Variants in SYNPR observed in about 807,000 individuals in gnomAD.
SYNPR encodes the protein synaptoporin.
A neutral mutation model predicts 32.9 loss-of-function variants in SYNPR; 23 were observed. The ratio of observed to expected loss-of-function variants is 0.70; its 90% CI spans 0.50 to 0.99. The LOEUF (loss-of-function observed/expected upper bound fraction) is 0.99, where lower values mean the gene tolerates loss of function less well. SYNPR is among the 50% of genes least tolerant of loss of function. The pLI, the probability that SYNPR is intolerant of heterozygous loss-of-function variation, is 0.00. For missense variants in SYNPR, 318 were observed against 349.3 expected, an observed-to-expected ratio of 0.91 and a Z score of 0.71; for synonymous variants, 146 against 135.9, an observed-to-expected ratio of 1.07 and a Z score of -0.52.
At chr3:63,548,558 CA>C (rs758504760) in intron 3 of SYNPR, among the ~76,000 whole-genome samples, 20 of 152,002 alleles carry the variant, frequency 1.3e-4, no homozygotes, top group Non-Finnish European at 2.6e-4. Context: ...TAGCTAAAGA[CA>C]ACGCAATCTA....
At chr3:63,595,755 A>AGTTT (rs1242744739) in intron 4 of SYNPR, among the ~76,000 whole-genome samples, 17 of 32,296 alleles carry the variant, frequency 5.3e-4, no homozygotes, top group African/African-American at 3.5e-3. Flanking sequence ...ATATATATAT[A>AGTTT]TATATATATA....
At chr3:63,393,277 T>A (rs146327478) in intron 2 of SYNPR, among the ~76,000 whole-genome samples, 1 of 152,140 alleles carries the variant, frequency 6.6e-6, no homozygotes, top group African/African-American at 2.4e-5. Context: ...GTCTCATACA[T>A]GTCTCATTGT....
At chr3:63,376,100 C>A (rs1376469387) in intron 2 of SYNPR, among the ~76,000 whole-genome samples, 1 of 152,064 alleles carries the variant, frequency 6.6e-6, no homozygotes, top group Non-Finnish European at 1.5e-5. Context: ...ACTTTTTGGG[C>A]CCATCTGAAA....
At chr3:63,523,147 T>G (rs2106775996) in intron 3 of SYNPR, among the ~76,000 whole-genome samples, 1 of 152,154 alleles carries the variant, frequency 6.6e-6, no homozygotes, top group South Asian at 2.1e-4. Flanking sequence ...CACGTGACGG[T>G]GGGGCGGTGC....
chr3:63,525,404 T>C (rs929453458), intron 3 of SYNPR, among the ~76,000 whole-genome samples: 2 of 152,144 alleles, frequency 1.3e-5, no homozygotes, highest in Non-Finnish European at 2.9e-5. Context: ...TATTTCAGTA[T>C]TTTTGCAATG....
Position 63,536,528 on chromosome 3 carries a change from C to T in SYNPR, c.210-20015C>T, listed in dbSNP as rs530020173. Among the ~76,000 whole-genome samples, 26 of 152,202 alleles carry T rather than the reference C, an allele frequency of 1.7e-4. No individual in the cohort carries two copies. The South Asian group carries it at 5.2e-3, about 30-fold the overall frequency. ...CTAGTGGGATTGTAAAATTGTAAAACCACTTTGGAAAACAGTTTGGCAGTT... is the reference window on the plus strand; with the variant it reads ...CTAGTGGGATTGTAAAATTGTAAAATCACTTTGGAAAACAGTTTGGCAGTT... On this transcript the variant is annotated intron_variant, in intron 3 of 5. Transcript: ENST00000478300.
At chr3:63,540,921 C>CACACACT (rs1702287943) in intron 3 of SYNPR, among the ~76,000 whole-genome samples, 4 of 102,440 alleles carry the variant, frequency 3.9e-5, no homozygotes, top group South Asian at 5.9e-4. Flanking sequence ...CACACACAAT[C>CACACACT]CCCCCCCCAA....
At chr3:63,468,491 G>GCGCACACACACACACACACACA (rs1553639023) in intron 2 of SYNPR, among the ~76,000 whole-genome samples, 2 of 148,564 alleles carry the variant, frequency 1.3e-5, no homozygotes, top group African/African-American at 5.0e-5. Flanking sequence ...TACCTGCAAA[G>GCGCACACACACACACACACACA]CACACACACA....
chr3:63,436,763 C>A (rs1446904934), intron 2 of SYNPR, among the ~76,000 whole-genome samples: 1 of 152,140 alleles, frequency 6.6e-6, no homozygotes, highest in East Asian at 1.9e-4. Context: ...GTAGTTTCAA[C>A]AAATCTTTAT....
chr3:63,414,841 C>G (rs1351912499), intron 2 of SYNPR, among the ~76,000 whole-genome samples: 1 of 152,154 alleles, frequency 6.6e-6, no homozygotes, highest in Non-Finnish European at 1.5e-5. Context: ...GAAGTCTTCT[C>G]CTTATATACA....
chr3:63,595,478 C>T (rs1699916548), intron 4 of SYNPR, among the ~76,000 whole-genome samples: 1 of 151,318 alleles, frequency 6.6e-6, no homozygotes, highest in Admixed American at 6.6e-5. Flanking sequence ...TCTAAGCACA[C>T]TCAATGTCAG....
chr3:63,457,190 C>T (rs1364992778), intron 2 of SYNPR, among the ~76,000 whole-genome samples: 1 of 152,126 alleles, frequency 6.6e-6, no homozygotes, highest in Non-Finnish European at 1.5e-5. Flanking sequence ...TGTTTTCCTT[C>T]TCGCAAGATA....
intron 2 of SYNPR, among the ~76,000 whole-genome samples, chr3:63,350,827 G>A (rs1447988542): frequency 6.6e-6 from 1 of 152,120 alleles, no homozygotes; most frequent in East Asian, 1.9e-4. Context: ...TAATAGTTGG[G>A]CCAAATCATG....
intron 3 of SYNPR, among the ~76,000 whole-genome samples, chr3:63,520,544 G>A (rs186882599): frequency 7.2e-4 from 110 of 152,188 alleles, no homozygotes; most frequent in African/African-American, 2.5e-3. Flanking sequence ...GTGATGGCAC[G>A]CGCCTGTAAT....
chr3:63,266,801 A>C (rs1402166801), intron 2 of SYNPR, among the ~76,000 whole-genome samples: 2 of 151,808 alleles, frequency 1.3e-5, no homozygotes, highest in Non-Finnish European at 2.9e-5. Context: ...ATATTTATGG[A>C]GGCTCACTCA....
chr3:63,613,610 C>CAAAAAAAA lies in SYNPR; in HGVS notation c.601-1592_601-1585dup, dbSNP rs10566584. 1.2e-3 allele frequency among the ~76,000 whole-genome samples: 57 copies of CAAAAAAAA among 46,048 alleles called. 6 individuals carry two copies. Among genetic ancestry groups the CAAAAAAAA allele is most frequent in the African/African-American group, 2.2e-3 (27 of 12,116 alleles). 30.2% of individuals were successfully genotyped at this position (46,048 alleles called of 152,430 possible). ...TGCCTCAGTTCAATTTATGCTGCAG[C>CAAAAAAAA]AAAAAAAAAAAAAAAAAAAAAAAAA... On this transcript the variant is annotated intron_variant, in intron 5 of 5. Transcript: ENST00000478300.
At chr3:63,561,452 T>G (rs1446080875) in intron 4 of SYNPR, 1 of 152,200 alleles carries the variant, frequency 6.6e-6, no homozygotes, top group East Asian at 1.9e-4. Flanking sequence ...ATAATCACCA[T>G]GCAAGAGGCC....
chr3:63,431,686 GA>G (rs1699997449), intron 2 of SYNPR, among the ~76,000 whole-genome samples: 1 of 151,070 alleles, frequency 6.6e-6, no homozygotes, highest in Non-Finnish European at 1.5e-5. Flanking sequence ...GAAAGAAAAA[GA>G]AAGTGTGAAC....
intron 2 of SYNPR, among the ~76,000 whole-genome samples, chr3:63,322,357 T>C (rs1242818903): frequency 1.3e-5 from 2 of 152,008 alleles, no homozygotes; most frequent in African/African-American, 4.8e-5. Context: ...AACTTATTAA[T>C]CTCCCATAGA....
Sources: allele counts gnomAD v4.1 joint callset (sites outside exome capture counted in the v4.1 genomes callset), GRCh38; gene constraint gnomAD v4.1.1; transcripts MANE v1.5; gene names NCBI Gene and HGNC (gene_info 2026-07-23, HGNC 2026-07-21).